Variants in KLHL13 observed in about 807,000 individuals in gnomAD.
The protein encoded by KLHL13 is kelch-like protein 13.
A neutral mutation model predicts 37.1 loss-of-function variants in KLHL13; 10 were observed. The observed-to-expected ratio is 0.27, with a 90% confidence interval of 0.17 to 0.46. The LOEUF is 0.46. Ranked by LOEUF, KLHL13 falls within the 20% of genes least tolerant of loss-of-function variation. The pLI is 1.00. For synonymous variants in KLHL13, 163 were observed against 181.2 expected, an observed-to-expected ratio of 0.90 and a Z score of 0.81; for missense variants, 360 against 509.3, an observed-to-expected ratio of 0.71 and a Z score of 2.82.
intron 1 of KLHL13, among the ~76,000 whole-genome samples, chrX:117,986,719 C>T (rs1370471683): frequency 8.9e-6 from 1 of 111,909 alleles, no homozygotes; most frequent in African/African-American, 3.2e-5. Context: ...CCCATTCTTC[C>T]AGATCCAGCT....
intron 1 of KLHL13, among the ~76,000 whole-genome samples, chrX:118,020,214 T>C (rs12391977): frequency 0.051 from 5,555 of 108,841 alleles, 394 homozygotes; most frequent in African/African-American, 0.18. Context: ...TTCACATCCC[T>C]TGTAAGTTGG....
At chrX:117,927,053 A>C (rs745917725) in intron 2 of KLHL13, among the ~76,000 whole-genome samples, 28 of 107,586 alleles carry the variant, frequency 2.6e-4, no homozygotes, top group African/African-American at 8.4e-4. Context: ...CTATAGGCGC[A>C]TGCCGCCACG....
At chrX:117,965,211 A>G (rs1172985807) in intron 1 of KLHL13, among the ~76,000 whole-genome samples, 16 of 111,653 alleles carry the variant, frequency 1.4e-4, no homozygotes, top group Non-Finnish European at 2.3e-4. Flanking sequence ...CCAACAGTGT[A>G]AAAGTGTTCC....
intron 1 of KLHL13, among the ~76,000 whole-genome samples, chrX:118,021,309 A>G (rs1271872626): frequency 9.5e-6 from 1 of 105,026 alleles, no homozygotes; most frequent in Admixed American, 1.0e-4. Flanking sequence ...TTACATATGT[A>G]TACATGTGCC....
intron 1 of KLHL13, among the ~76,000 whole-genome samples, chrX:118,029,071 A>G (rs2054306963): frequency 9.0e-6 from 1 of 111,554 alleles, no homozygotes; most frequent in African/African-American, 3.3e-5. Context: ...GTTTTCAGGC[A>G]TCCACTGGGG....
intron 1 of KLHL13, among the ~76,000 whole-genome samples, chrX:117,991,949 A>G (rs2053797742): frequency 9.4e-6 from 1 of 105,972 alleles, no homozygotes; most frequent in Non-Finnish European, 1.9e-5. Context: ...CAGAAATTCC[A>G]GCAATTACAG....
intron 2 of KLHL13, among the ~76,000 whole-genome samples, chrX:117,927,196 G>T (rs1181572579): frequency 2.7e-5 from 3 of 110,677 alleles, no homozygotes; most frequent in African/African-American, 9.8e-5. Flanking sequence ...TACCGCGCCC[G>T]GCCACTTCTT....
intron 1 of KLHL13, among the ~76,000 whole-genome samples, chrX:118,017,739 T>C (rs1188571893): frequency 8.9e-6 from 1 of 111,917 alleles, no homozygotes; most frequent in Non-Finnish European, 1.9e-5. Context: ...CATTCACTGC[T>C]ATATCCCTAG....
intron 2 of KLHL13, among the ~76,000 whole-genome samples, 185 bp from the exon 4 acceptor site, chrX:117,920,555 C>T (rs946503185): frequency 8.9e-6 from 1 of 112,189 alleles, no homozygotes; most frequent in African/African-American, 3.2e-5. Flanking sequence ...TGTTTTCTTT[C>T]ACTGTAGGAA....
At chrX:117,928,840 A>G (rs995025466) in intron 2 of KLHL13, among the ~76,000 whole-genome samples, 4 of 111,906 alleles carry the variant, frequency 3.6e-5, no homozygotes, top group Non-Finnish European at 7.5e-5. Context: ...TAAAGATCAT[A>G]GTGGAAATCA....
intron 1 of KLHL13, among the ~76,000 whole-genome samples, chrX:118,087,786 T>A (rs890870207): frequency 1.8e-5 from 2 of 111,531 alleles, no homozygotes; most frequent in African/African-American, 6.5e-5. Context: ...AGCTTCTAGG[T>A]CTGATTCTTC....
intron 1 of KLHL13, among the ~76,000 whole-genome samples, chrX:117,954,445 G>T (rs142906630): frequency 8.9e-6 from 1 of 111,887 alleles, no homozygotes; most frequent in African/African-American, 3.2e-5. Context: ...GGGATACATG[G>T]ATGGATGAAT....
At chrX:118,093,193 A>G (rs2055158593) in intron 1 of KLHL13, among the ~76,000 whole-genome samples, 1 of 111,939 alleles carries the variant, frequency 8.9e-6, no homozygotes, top group Admixed American at 9.5e-5. Context: ...TTCTTGTATA[A>G]ACGTCTTAAA....
At chrX:117,903,174 G>GCACAC (rs1569409194) in intron 5 of KLHL13, among the ~76,000 whole-genome samples, 15 of 91,694 alleles carry the variant, frequency 1.6e-4, no homozygotes, top group Middle Eastern at 5.2e-3. Flanking sequence ...AGAGAGAGAG[G>GCACAC]AGAGCGAGAG....
chrX:118,094,914 T>C (rs1186133166), intron 1 of KLHL13, among the ~76,000 whole-genome samples: 2 of 111,079 alleles, frequency 1.8e-5, no homozygotes, highest in African/African-American at 3.3e-5. Flanking sequence ...AAGGAACAAC[T>C]GGTACCAGCC....
intron 1 of KLHL13, among the ~76,000 whole-genome samples, chrX:118,040,904 T>C (rs1008816122): frequency 3.6e-5 from 4 of 112,070 alleles, no homozygotes; most frequent in Non-Finnish European, 5.6e-5. Context: ...GAGAGTGACA[T>C]GACATATTTA....
At chrX:117,997,580 C>T (rs1344386099) in intron 1 of KLHL13, among the ~76,000 whole-genome samples, 1 of 112,003 alleles carries the variant, frequency 8.9e-6, no homozygotes, top group Non-Finnish European at 1.9e-5. Flanking sequence ...TGTAAAGATT[C>T]AATATGAGAA....
intron 1 of KLHL13, among the ~76,000 whole-genome samples, chrX:118,090,356 A>G (rs1196141518): frequency 9.0e-6 from 1 of 111,317 alleles, no homozygotes. Flanking sequence ...AATGGGAGAA[A>G]AATTTTGCAA....
chrX:117,952,490 A>G (rs1453482334), intron 1 of KLHL13, among the ~76,000 whole-genome samples: 11 of 98,990 alleles, frequency 1.1e-4, no homozygotes, highest in Admixed American at 4.4e-4. Flanking sequence ...GGACATAGGC[A>G]TGGGCAAGGA....
Sources: allele counts gnomAD v4.1 joint callset (sites outside exome capture counted in the v4.1 genomes callset), GRCh38; gene constraint gnomAD v4.1.1; transcripts MANE v1.5; gene names NCBI Gene and HGNC (gene_info 2026-07-23, HGNC 2026-07-21).